TAF12: variants seen among roughly 807,000 people sequenced by gnomAD.
TAF12 encodes TATA-box binding protein associated factor 12, also known as transcription initiation factor TFIID subunit 12.
A neutral mutation model predicts 20.8 loss-of-function variants in TAF12; 3 were observed. The ratio of observed to expected loss-of-function variants is 0.14; its 90% CI spans 0.07 to 0.37. TAF12 has a LOEUF of 0.37. Among genes scored for constraint, TAF12 ranks in the 10% least tolerant of loss-of-function variants. The probability of loss-of-function intolerance (pLI) is 1.00; values close to 1 mark genes in which losing one functional copy is unlikely to be tolerated. For missense variants in TAF12, 131 were observed against 197.9 expected (o/e 0.66, Z 2.03); for synonymous variants, 69 against 70.2 (o/e 0.98, Z 0.09).
At chr1:28,619,355 A>C (rs974168260) in intron 2 of TAF12, among the ~76,000 whole-genome samples, 2 of 151,096 alleles carry the variant, frequency 1.3e-5, no homozygotes, top group African/African-American at 4.9e-5. Flanking sequence ...AAAATTAGCC[A>C]GGCGTGGTGG....
intron 4 of TAF12, among the ~76,000 whole-genome samples, chr1:28,605,985 C>T (rs944763758): frequency 1.3e-5 from 2 of 152,006 alleles, no homozygotes; most frequent in African/African-American, 4.8e-5. Flanking sequence ...GTGTGTGCCA[C>T]CATGCCTGGC....
At chr1:28,624,783 TAAG>T (rs1219010368) in intron 1 of TAF12, among the ~76,000 whole-genome samples, 2 of 151,598 alleles carry the variant, frequency 1.3e-5, no homozygotes, top group Non-Finnish European at 2.9e-5. Flanking sequence ...ATAATAATAA[TAAG>T]AAGAAATCAT....
At chr1:28,647,727 A>C (rs1363147447), upstream of TAF12, among the ~76,000 whole-genome samples, 3 of 152,112 alleles carry the variant, frequency 2.0e-5, no homozygotes. Flanking sequence ...ACAAAAAATT[A>C]GCCGGGCATG....
At chr1:28,620,195 G>A (rs1023510844) in intron 2 of TAF12, among the ~76,000 whole-genome samples, 13 of 150,800 alleles carry the variant, frequency 8.6e-5, no homozygotes, top group Non-Finnish European at 1.8e-4. Flanking sequence ...GTGCAGTGGT[G>A]TAATCTCGGC....
At chr1:28,608,568 A>G (rs1174958919) in intron 4 of TAF12, among the ~76,000 whole-genome samples, 1 of 151,920 alleles carries the variant, frequency 6.6e-6, no homozygotes, top group Non-Finnish European at 1.5e-5. Flanking sequence ...AGCCTGGGCA[A>G]CACAGTGAAA....
In TAF12 at chr1:28,613,464, T is replaced by G. The variant is rs988187332; in HGVS notation, c.247-103A>C. ...TTGGATTGCATATTTAGTCAGGCAT[T>G]CTAGTAGAAGGCTGGAATCAGCATT... On this transcript the variant is annotated intron_variant, in intron 3 of 5. Transcript: ENST00000373824. 9.6e-6 allele frequency: 9 copies of G among 938,906 alleles called. No homozygotes were observed. The African/African-American group carries it at 1.1e-4, about 12-fold the overall frequency. 58.2% of individuals were successfully genotyped at this position (938,906 alleles called of 1,614,324 possible). A position where few individuals can be genotyped will look rare whatever the true frequency, so the allele number is the denominator to read the frequency against.
At chr1:28,627,447 A>G (rs1324731807) in intron 1 of TAF12, among the ~76,000 whole-genome samples, 1 of 151,050 alleles carries the variant, frequency 6.6e-6, no homozygotes, top group African/African-American at 2.4e-5. Context: ...TAATCCCAGC[A>G]CTTTGGGAGG....
intron 4 of TAF12, among the ~76,000 whole-genome samples, chr1:28,612,567 C>CAT (rs56283961): frequency 0.15 from 21,540 of 145,490 alleles, 1,987 homozygotes; most frequent in South Asian, 0.22. Context: ...TAAATATATA[C>CAT]ATATATATAC....
In TAF12 at chr1:28,633,467, C is replaced by T. The variant is rs184336673; in HGVS notation, c.-85+9525G>A. Among the ~76,000 whole-genome samples, 510 of 149,890 alleles carry T rather than the reference C, an allele frequency of 3.4e-3. 2 individuals carry two copies. The highest frequency in any genetic ancestry group is 0.012 in the African/African-American group (474 of 41,000). On this transcript the variant is annotated intron_variant, in intron 1 of 5. Coordinates refer to ENST00000373824, the MANE Select transcript of TAF12 (RefSeq NM_005644.4). ...ACAGGCATGAGACACTGTATCCAAC[C>T]GAAAATAAATTTTAAAAAGTAAAAC...
At chr1:28,647,366 TAG>T (rs1668222269), upstream of TAF12, among the ~76,000 whole-genome samples, 1 of 152,070 alleles carries the variant, frequency 6.6e-6, no homozygotes, top group African/African-American at 2.4e-5. Context: ...TGGCTCACTG[TAG>T]CCTTGACTTC....
chr1:28,606,818 G>A (rs1380536646), intron 4 of TAF12, among the ~76,000 whole-genome samples: 1 of 152,250 alleles, frequency 6.6e-6, no homozygotes, highest in African/African-American at 2.4e-5. Flanking sequence ...CTGAGCAGCT[G>A]TATGACGCTG....
chr1:28,616,737 AAAAT>A (rs202164078), intron 3 of TAF12, among the ~76,000 whole-genome samples: 2 of 151,708 alleles, frequency 1.3e-5, no homozygotes, highest in Non-Finnish European at 3.0e-5. Flanking sequence ...CTGTCTCAAA[AAAAT>A]AAATAAATAA....
At chr1:28,605,527 C>T (rs1008886902) in intron 4 of TAF12, 67 bp from the exon 5 acceptor site, 3 of 1,488,164 alleles carry the variant, frequency 2.0e-6, no homozygotes, top group Non-Finnish European at 2.8e-6. Flanking sequence ...GCAATGTGAC[C>T]CCCTTGGATC....
chr1:28,642,276 C>T (rs1238647933), intron 1 of TAF12, among the ~76,000 whole-genome samples: 1 of 152,178 alleles, frequency 6.6e-6, no homozygotes, highest in Non-Finnish European at 1.5e-5. Context: ...CCCCTGAATA[C>T]GTCCTTTATC....
At chr1:28,634,425 A>C (rs1025844348) in intron 1 of TAF12, among the ~76,000 whole-genome samples, 1 of 151,560 alleles carries the variant, frequency 6.6e-6, no homozygotes, top group African/African-American at 2.4e-5. Context: ...CAAAAAAAAA[A>C]AAAAAAAAAA....
chr1:28,612,627 G>A (rs1425039332), intron 4 of TAF12, among the ~76,000 whole-genome samples: 1 of 149,764 alleles, frequency 6.7e-6, no homozygotes, highest in South Asian at 2.1e-4. Flanking sequence ...TAATCACATC[G>A]TATCCAATGC....
chr1:28,641,397 C>T (rs1570345321), intron 1 of TAF12, among the ~76,000 whole-genome samples: 2 of 151,980 alleles, frequency 1.3e-5, no homozygotes, highest in Non-Finnish European at 2.9e-5. Context: ...GCAGGAGAAT[C>T]GTTTGAACTG....
At chr1:28,608,175 CAAAA>C (rs58747974) in intron 4 of TAF12, among the ~76,000 whole-genome samples, 2 of 63,738 alleles carry the variant, frequency 3.1e-5, no homozygotes, top group East Asian at 1.3e-3. Flanking sequence ...ACTAAAAATA[CAAAA>C]AAAAAAAAAA....
In TAF12 at chr1:28,627,421, C is replaced by T. The variant is rs1348948611; in HGVS notation, c.-84-5256G>A. Among the ~76,000 whole-genome samples, 28 of 148,694 alleles carry T rather than the reference C, an allele frequency of 1.9e-4. 1 individual carries two copies. Among genetic ancestry groups the T allele is most frequent in the Admixed American group, 1.6e-3 (24 of 14,884 alleles). On this transcript the variant is annotated intron_variant, in intron 1 of 5. Transcript: ENST00000373824. The stretch of plus-strand genomic sequence containing the variant: ...AAAAAAAAAAAAAAGAGGCCGGGCG[C>T]GGTGGCTCACGCTTGTAATCCCAGC...
Sources: gnomAD v4.1 joint callset for allele counts (sites outside exome capture counted in the v4.1 genomes callset) on GRCh38, gnomAD v4.1.1 for gene constraint, MANE v1.5 for transcripts, NCBI Gene and HGNC (gene_info 2026-07-23, HGNC 2026-07-21) for gene names.